Variants in CDH13 observed in about 807,000 individuals in gnomAD.
CDH13 encodes cadherin-13.
A neutral mutation model predicts 63.8 loss-of-function variants in CDH13; 24 were observed. That is an observed-to-expected ratio of 0.38 (90% CI 0.27 to 0.53). The LOEUF (loss-of-function observed/expected upper bound fraction) is 0.53, where lower values mean the gene tolerates loss of function less well. CDH13 is among the 20% of genes least tolerant of loss of function. CDH13 has a pLI of 0.85. For synonymous variants in CDH13, 503 were observed against 355.3 expected (o/e 1.42, Z -4.67); for missense variants, 1,049 against 903.1 (o/e 1.16, Z -2.07).
intron 7 of CDH13, among the ~76,000 whole-genome samples, chr16:83,524,445 C>CTTTTTTTTTTTTTTTTTT (rs150233410): frequency 3.4e-5 from 2 of 59,278 alleles, no homozygotes; most frequent in African/African-American, 1.4e-4. Flanking sequence ...TTTCTTTTTT[C>CTTTTTTTTTTTTTTTTTT]TTTTTTTTTT....
At chr16:83,731,475 G>C (rs554315137) in intron 10 of CDH13, among the ~76,000 whole-genome samples, 1 of 152,158 alleles carries the variant, frequency 6.6e-6, no homozygotes, top group Non-Finnish European at 1.5e-5. Context: ...TTTGCAAAGT[G>C]TCTGTTCATG....
rs368842225 is a variant in CDH13 at position 83,006,868 on chromosome 16, A to G, written c.158-25142A>G. On this transcript the variant is annotated intron_variant, in intron 2 of 13. Coordinates refer to ENST00000567109, the MANE Select transcript of CDH13 (RefSeq NM_001257.5). ...GTAATTTGCCACTAAAATTTTGCAC[A>G]TTTCATTTTTCTTCAAAACACCCAG... Among the ~76,000 whole-genome samples, 977 of 150,540 alleles carry G rather than the reference A, an allele frequency of 6.5e-3. 8 individuals carry two copies. The highest frequency in any genetic ancestry group is 0.019 in the African/African-American group (762 of 40,818).
chr16:83,022,010 A>G (rs1915391654), intron 2 of CDH13, among the ~76,000 whole-genome samples: 1 of 152,210 alleles, frequency 6.6e-6, no homozygotes, highest in African/African-American at 2.4e-5. Flanking sequence ...TATTCAGGAA[A>G]GTCAAAAGAA....
In CDH13 at chr16:82,896,276, A is replaced by ATTTTTTTTTTTTTTTT. The variant is rs59677448; in HGVS notation, c.157+37821_157+37836dup. Among the ~76,000 whole-genome samples, 46 of 87,850 alleles carry ATTTTTTTTTTTTTTTT rather than the reference A, an allele frequency of 5.2e-4. 7 individuals carry two copies. The highest frequency in any genetic ancestry group is 9.5e-4 in the Admixed American group (6 of 6,298). 57.6% of individuals were successfully genotyped at this position (87,850 alleles called of 152,430 possible). On this transcript the variant is annotated intron_variant, in intron 2 of 13. Coordinates refer to ENST00000567109, the MANE Select transcript of CDH13 (RefSeq NM_001257.5). ...GAGTCTTCTGAGAACTAGGATTAGG[A>ATTTTTTTTTTTTTTTT]TTTTTTTTTTTTTTTTTTTTTTTTT...
chr16:83,749,238 G>A (rs1245227417), intron 11 of CDH13, among the ~76,000 whole-genome samples: 1 of 152,154 alleles, frequency 6.6e-6, no homozygotes, highest in African/African-American at 2.4e-5. Flanking sequence ...CAACAAGGGT[G>A]AACTAAGAGT....
At chr16:83,217,279 T>C in intron 4 of CDH13, 66 bp from the exon 5 acceptor site, 1 of 1,528,654 alleles carries the variant, frequency 6.5e-7, no homozygotes, top group Non-Finnish European at 9.0e-7. Context: ...CATGGGAGTA[T>C]GTTTGCAATG....
chr16:83,290,205 AATTCT>A (rs2089432681), intron 5 of CDH13, among the ~76,000 whole-genome samples: 1 of 152,018 alleles, frequency 6.6e-6, no homozygotes, highest in Non-Finnish European at 1.5e-5. Context: ...AACCACATTC[AATTCT>A]ATTTTAATTG....
chr16:83,260,923 G>T (rs778540356), intron 5 of CDH13, among the ~76,000 whole-genome samples: 1 of 151,930 alleles, frequency 6.6e-6, no homozygotes, highest in Admixed American at 6.5e-5. Context: ...CCAGGTCTTG[G>T]GGGGCGGCCA....
At chr16:82,646,976 T>C (rs1021833119) in intron 1 of CDH13, among the ~76,000 whole-genome samples, 1 of 152,158 alleles carries the variant, frequency 6.6e-6, no homozygotes, top group African/African-American at 2.4e-5. Flanking sequence ...CAGTTGTTAA[T>C]AGCATCAGTG....
chr16:82,691,566 T>C (rs1033628719), intron 1 of CDH13, among the ~76,000 whole-genome samples: 1 of 152,168 alleles, frequency 6.6e-6, no homozygotes, highest in African/African-American at 2.4e-5. Context: ...TTGGGGAGAT[T>C]GTCTTCCAAA....
intron 6 of CDH13, among the ~76,000 whole-genome samples, chr16:83,464,853 G>A (rs2073269139): frequency 6.6e-6 from 1 of 152,190 alleles, no homozygotes; most frequent in Non-Finnish European, 1.5e-5. Flanking sequence ...AAGTTGCCCA[G>A]GTGGGTCTTG....
chr16:83,212,260 AT>A (rs1397357198), intron 4 of CDH13, among the ~76,000 whole-genome samples: 2 of 152,086 alleles, frequency 1.3e-5, no homozygotes, highest in East Asian at 3.9e-4. Context: ...CATACCTCCC[AT>A]CCCCCAGTTC....
intron 8 of CDH13, among the ~76,000 whole-genome samples, chr16:83,604,160 A>G (rs1458249339): frequency 1.3e-5 from 2 of 152,132 alleles, no homozygotes; most frequent in Non-Finnish European, 2.9e-5. Flanking sequence ...ATCCCCCTGC[A>G]TGGCTCACTC....
chr16:83,620,703 G>A (rs1286865611), intron 8 of CDH13, among the ~76,000 whole-genome samples: 1 of 152,200 alleles, frequency 6.6e-6, no homozygotes, highest in East Asian at 1.9e-4. Context: ...CCACGTAGAT[G>A]AGGAAACTGA....
chr16:82,675,437 A>G (rs894028460), intron 1 of CDH13, among the ~76,000 whole-genome samples: 2 of 152,198 alleles, frequency 1.3e-5, no homozygotes, highest in Non-Finnish European at 2.9e-5. Context: ...CACAGTAAAA[A>G]CACAGCTTTT....
intron 2 of CDH13, among the ~76,000 whole-genome samples, chr16:82,960,827 A>T (rs924120151): frequency 6.6e-6 from 1 of 152,146 alleles, no homozygotes; most frequent in African/African-American, 2.4e-5. Flanking sequence ...TTTAAAAAAA[A>T]TTATTGTTAA....
At chr16:83,077,840 G>A (rs1017589407) in intron 3 of CDH13, among the ~76,000 whole-genome samples, 9 of 152,148 alleles carry the variant, frequency 5.9e-5, no homozygotes, top group South Asian at 2.1e-4. Flanking sequence ...GAGCAGTGAC[G>A]GCTTTGCATC....
intron 2 of CDH13, among the ~76,000 whole-genome samples, chr16:82,911,997 G>T (rs953134742): frequency 1.3e-5 from 2 of 151,958 alleles, no homozygotes; most frequent in Non-Finnish European, 2.9e-5. Flanking sequence ...TTCAGCCACT[G>T]TCTAACCAGC....
At chr16:83,349,013 C>G (rs1017591720) in intron 6 of CDH13, among the ~76,000 whole-genome samples, 1 of 152,202 alleles carries the variant, frequency 6.6e-6, no homozygotes, top group Non-Finnish European at 1.5e-5. Flanking sequence ...GCCCTCGGCA[C>G]CAATCTATCA....
Sources: gnomAD v4.1 joint callset for allele counts (sites outside exome capture counted in the v4.1 genomes callset) on GRCh38, gnomAD v4.1.1 for gene constraint, MANE v1.5 for transcripts, NCBI Gene and HGNC (gene_info 2026-07-23, HGNC 2026-07-21) for gene names.